Variants in NXPH1 observed in about 807,000 individuals in gnomAD.
NXPH1 encodes neurexophilin-1.
A neutral mutation model predicts 23.7 loss-of-function variants in NXPH1; 5 were observed. The observed-to-expected ratio is 0.21, with a 90% CI of 0.11 to 0.44. The LOEUF is 0.44. Ranked by LOEUF, NXPH1 falls within the 20% of genes least tolerant of loss-of-function variation. The pLI is 0.99. For missense variants in NXPH1, 324 were observed against 321.6 expected (o/e 1.01, Z -0.06); for synonymous variants, 144 against 122.2 (o/e 1.18, Z -1.18).
chr7:8,472,398 G>A (rs1160015220), intron 2 of NXPH1, among the ~76,000 whole-genome samples: 2 of 152,152 alleles, frequency 1.3e-5, no homozygotes, highest in Non-Finnish European at 2.9e-5. Context: ...ACCACCTGGT[G>A]AGGGAGATAA....
chr7:8,600,639 G>T (rs923617676), intron 2 of NXPH1, among the ~76,000 whole-genome samples: 1 of 152,168 alleles, frequency 6.6e-6, no homozygotes, highest in Non-Finnish European at 1.5e-5. Flanking sequence ...ATGACAACTA[G>T]TTCTAAGTCT....
At chr7:8,545,390 C>A (rs556700071) in intron 2 of NXPH1, among the ~76,000 whole-genome samples, 3 of 151,162 alleles carry the variant, frequency 2.0e-5, no homozygotes, top group African/African-American at 4.8e-5. Context: ...TATTTTTAAG[C>A]AAAAAGATGA....
chr7:8,520,819 A>T (rs1817759496), intron 2 of NXPH1, among the ~76,000 whole-genome samples: 1 of 152,112 alleles, frequency 6.6e-6, no homozygotes. Context: ...GGGTTTTGTC[A>T]CTTCATTTTC....
intron 2 of NXPH1, among the ~76,000 whole-genome samples, chr7:8,511,894 G>T (rs1056072415): frequency 2.0e-5 from 3 of 152,086 alleles, no homozygotes; most frequent in Non-Finnish European, 2.9e-5. Flanking sequence ...TTTTATCAAG[G>T]TTGACTGAAA....
intron 2 of NXPH1, among the ~76,000 whole-genome samples, chr7:8,450,109 A>G (rs753397869): frequency 6.6e-6 from 1 of 152,240 alleles, no homozygotes; most frequent in Non-Finnish European, 1.5e-5. Flanking sequence ...AAAATGATAC[A>G]TAACATCTGT....
chr7:8,596,765 T>G (rs2158325), intron 2 of NXPH1, among the ~76,000 whole-genome samples: 15,241 of 152,108 alleles, frequency 0.1, 1,671 homozygotes, highest in African/African-American at 0.25. Context: ...TAAAGGCTGA[T>G]GTTAGTACTT....
intron 2 of NXPH1, among the ~76,000 whole-genome samples, chr7:8,653,915 CGTT>C (rs1266385785): frequency 1.3e-5 from 2 of 152,076 alleles, no homozygotes; most frequent in Non-Finnish European, 1.5e-5. Context: ...CAACTCCTAT[CGTT>C]AGAAAAATGT....
chr7:8,598,832 A>T (rs1819289315), intron 2 of NXPH1, among the ~76,000 whole-genome samples: 1 of 152,142 alleles, frequency 6.6e-6, no homozygotes, highest in Admixed American at 6.6e-5. Flanking sequence ...ATAGCCTGGT[A>T]AGAGTTTTCT....
intron 2 of NXPH1, among the ~76,000 whole-genome samples, chr7:8,578,940 T>C (rs1391181266): frequency 6.6e-6 from 1 of 152,096 alleles, no homozygotes. Flanking sequence ...GGATACAACA[T>C]GTGTTGTTTG....
chr7:8,710,499 C>T (rs1031632271), intron 2 of NXPH1, among the ~76,000 whole-genome samples: 3 of 152,092 alleles, frequency 2.0e-5, no homozygotes, highest in South Asian at 4.1e-4. Flanking sequence ...AGGAATTAAG[C>T]CTTGAGTACT....
intron 2 of NXPH1, among the ~76,000 whole-genome samples, chr7:8,550,278 A>G (rs1818257732): frequency 6.6e-6 from 1 of 151,588 alleles, no homozygotes. Flanking sequence ...AAGTGACAGA[A>G]CATGAAACGC....
chr7:8,552,073 T>C (rs930693265), intron 2 of NXPH1, among the ~76,000 whole-genome samples: 3 of 144,274 alleles, frequency 2.1e-5, no homozygotes, highest in Non-Finnish European at 4.5e-5. Flanking sequence ...AGAACAATAA[T>C]TCTATTTTGG....
chr7:8,501,713 C>T (rs1228391447), intron 2 of NXPH1, among the ~76,000 whole-genome samples: 1 of 152,062 alleles, frequency 6.6e-6, no homozygotes, highest in Non-Finnish European at 1.5e-5. Context: ...CACCAATTAT[C>T]TGATATGTCA....
intron 2 of NXPH1, among the ~76,000 whole-genome samples, chr7:8,706,501 T>C (rs1244987948): frequency 1.3e-5 from 2 of 152,134 alleles, no homozygotes; most frequent in Admixed American, 6.5e-5. Flanking sequence ...TTTGAAATGG[T>C]CAGAGTGTGA....
intron 2 of NXPH1, among the ~76,000 whole-genome samples, chr7:8,576,867 A>G (rs144365962): frequency 3.3e-5 from 5 of 152,230 alleles, no homozygotes; most frequent in Non-Finnish European, 7.4e-5. Flanking sequence ...TTCCAGATGA[A>G]CTAGTAATCT....
Position 8,442,386 on chromosome 7 carries a change from G to A in NXPH1, c.54+6619G>A, listed in dbSNP as rs1174181374. Among the ~76,000 whole-genome samples the A allele has an allele frequency of 6.6e-6, 1 of 152,070 alleles. No individual in the cohort carries two copies. The highest frequency in any genetic ancestry group is 1.5e-5 in the Non-Finnish European group (1 of 68,014). On this transcript the variant is annotated intron_variant, in intron 2 of 2. Transcript: ENST00000405863. This position sits in a 1 kb window ranked among gnomAD's most constrained non-coding sequence, Gnocchi z 4.6. ...CCCCGCTGAACCTGCCTCTGGCCGCGCCTCGCCATCACCCCCGCCGCCCTA... is the reference window on the plus strand; with the variant it reads ...CCCCGCTGAACCTGCCTCTGGCCGCACCTCGCCATCACCCCCGCCGCCCTA...
chr7:8,537,526 A>G (rs562062697), intron 2 of NXPH1, among the ~76,000 whole-genome samples: 1 of 152,016 alleles, frequency 6.6e-6, no homozygotes, highest in South Asian at 2.1e-4. Flanking sequence ...CTCATTCACT[A>G]TCATCAGAAC....
At chr7:8,690,331 G>C (rs966890301) in intron 2 of NXPH1, 36 of 152,314 alleles carry the variant, frequency 2.4e-4, no homozygotes, top group African/African-American at 8.7e-4. Flanking sequence ...TACATGCTTT[G>C]CATGAAGAAA....
chr7:8,648,204 T>G (rs535473839), intron 2 of NXPH1, among the ~76,000 whole-genome samples: 4 of 152,244 alleles, frequency 2.6e-5, no homozygotes, highest in South Asian at 4.2e-4. Flanking sequence ...AATGTCCAAT[T>G]AAGTTATTTT....
Sources: allele counts gnomAD v4.1 joint callset (sites outside exome capture counted in the v4.1 genomes callset), GRCh38; gene constraint gnomAD v4.1.1; non-coding constraint Gnocchi (gnomAD v3.1); transcripts MANE v1.5; gene names NCBI Gene and HGNC (gene_info 2026-07-23, HGNC 2026-07-21).